The following BMPR2 variants were observed in gnomAD, a reference collection of about 807,000 sequenced individuals.
BMPR2 encodes the protein bone morphogenetic protein receptor type 2.
A neutral mutation model predicts 100.8 loss-of-function variants in BMPR2; 29 were observed. The observed-to-expected ratio is 0.29, with a 90% CI of 0.21 to 0.39. The LOEUF (loss-of-function observed/expected upper bound fraction) is 0.39. Among genes scored for constraint, BMPR2 ranks in the 10% least tolerant of loss-of-function variants. The pLI is 1.00. For missense variants in BMPR2, 1,011 were observed against 1,274.5 expected, an observed-to-expected ratio of 0.79 and a Z score of 3.15; for synonymous variants, 382 against 442.3, an observed-to-expected ratio of 0.86 and a Z score of 1.71.
chr2:202,423,136 T>C (rs921173894), intron 1 of BMPR2, among the ~76,000 whole-genome samples: 1 of 151,840 alleles, frequency 6.6e-6, no homozygotes, highest in Non-Finnish European at 1.5e-5. Flanking sequence ...TGATCCACCC[T>C]CCTCGCCCAC....
chr2:202,423,240 A>C (rs1691306765), intron 1 of BMPR2, among the ~76,000 whole-genome samples: 1 of 152,200 alleles, frequency 6.6e-6, no homozygotes, highest in Admixed American at 6.5e-5. Context: ...ATGAAGCTTA[A>C]CACCTCCTTG....
rs1013045515 is a variant in BMPR2 at position 202,533,754 on chromosome 2, C to T, written c.1276+1022C>T. Among the ~76,000 whole-genome samples the T allele has an allele frequency of 5.9e-5, 9 of 152,196 alleles. No homozygotes were observed. The East Asian group carries it at 1.5e-3, about 26-fold the overall frequency. On this transcript the variant is annotated intron_variant, in intron 9 of 12. Transcript: ENST00000374580. Reference sequence around the variant, plus strand: ...AGAGGAATTGCTTGAACCCAGTAGGCGGAGGTTGCAGTGAGCTGAGATCAC... The same window carrying T: ...AGAGGAATTGCTTGAACCCAGTAGGTGGAGGTTGCAGTGAGCTGAGATCAC...
At position 202,567,316 on chromosome 2, in the gene BMPR2, A is replaced by G. The variant is rs902464456; in HGVS notation, c.*7370A>G. Reference sequence around the variant, plus strand: ...TCCGGAAAAAGAAAGGCTAGAAAATACTCGCACTTCCTCAGAACCCTCTTT... The same window carrying G: ...TCCGGAAAAAGAAAGGCTAGAAAATGCTCGCACTTCCTCAGAACCCTCTTT... On this transcript the variant is annotated 3_prime_UTR_variant, in exon 13 of 13. Coordinates refer to ENST00000374580, the MANE Select transcript of BMPR2 (RefSeq NM_001204.7). 6.6e-6 allele frequency: 1 copy of G among 152,514 alleles called. No individual in the cohort carries two copies. The highest frequency in any genetic ancestry group is 1.5e-5 in the Non-Finnish European group (1 of 68,020). 9.4% of individuals were successfully genotyped at this position (152,514 alleles called of 1,614,324 possible). A position where few individuals can be genotyped will look rare whatever the true frequency, so the allele number is the denominator to read the frequency against.
At chr2:202,557,394 C>T (rs749910925) in intron 12 of BMPR2, among the ~76,000 whole-genome samples, 4 of 151,222 alleles carry the variant, frequency 2.6e-5, no homozygotes, top group African/African-American at 7.3e-5. Flanking sequence ...ACCCAGGAGG[C>T]GGAGGTTGCA....
intron 3 of BMPR2, among the ~76,000 whole-genome samples, chr2:202,469,139 T>C (rs905476244): frequency 6.6e-6 from 1 of 152,104 alleles, no homozygotes; most frequent in Non-Finnish European, 1.5e-5. Flanking sequence ...CAAGCGATTC[T>C]CCTGCCTCAG....
chr2:202,452,058 C>A (rs903159058), intron 1 of BMPR2, among the ~76,000 whole-genome samples: 1 of 152,048 alleles, frequency 6.6e-6, no homozygotes, highest in Non-Finnish European at 1.5e-5. Context: ...CTGGCCAATT[C>A]GGTGAGTTTT....
At chr2:202,523,584 A>C (rs1687856294) in intron 7 of BMPR2, among the ~76,000 whole-genome samples, 2 of 152,042 alleles carry the variant, frequency 1.3e-5, no homozygotes, top group Non-Finnish European at 2.9e-5. Flanking sequence ...TGGGCGGATC[A>C]CCTGAGGTCG....
intron 7 of BMPR2, among the ~76,000 whole-genome samples, chr2:202,525,857 C>CTTTTTTTTTTTTTTTTTTTTTTTT (rs386392340): frequency 1.4e-5 from 1 of 69,362 alleles, no homozygotes; most frequent in Non-Finnish European, 2.5e-5. Context: ...TTCAGAGCAT[C>CTTTTTTTTTTTTTTTTTTTTTTTT]TTTTTTTTTT....
chr2:202,413,405 C>T (rs140213224), intron 1 of BMPR2, among the ~76,000 whole-genome samples: 27 of 152,264 alleles, frequency 1.8e-4, no homozygotes, highest in East Asian at 1.5e-3. Context: ...AGTGCATCAA[C>T]AAAATATATT....
At chr2:202,399,464 G>T (rs1690718184) in intron 1 of BMPR2, among the ~76,000 whole-genome samples, 1 of 152,220 alleles carries the variant, frequency 6.6e-6, no homozygotes, top group South Asian at 2.1e-4. Flanking sequence ...CAAGGGGTTA[G>T]ACAGGCAGGC....
At chr2:202,407,694 G>A (rs1186017332) in intron 1 of BMPR2, among the ~76,000 whole-genome samples, 2 of 151,436 alleles carry the variant, frequency 1.3e-5, no homozygotes, top group Admixed American at 6.6e-5. Flanking sequence ...GAGTGAACCC[G>A]GGAGGCGGAG....
At chr2:202,405,361 G>A (rs1690867443) in intron 1 of BMPR2, among the ~76,000 whole-genome samples, 1 of 151,902 alleles carries the variant, frequency 6.6e-6, no homozygotes, top group South Asian at 2.1e-4. Flanking sequence ...CAAGTCCCAG[G>A]GCAAAATAAA....
chr2:202,531,957 T>TTTTTTG (rs1688038823), intron 8 of BMPR2, among the ~76,000 whole-genome samples: 4 of 121,328 alleles, frequency 3.3e-5, no homozygotes, highest in Non-Finnish European at 6.7e-5. Context: ...TTTTTTTTTT[T>TTTTTTG]GAGACGGAGT....
chr2:202,434,921 AT>A, intron 1 of BMPR2, among the ~76,000 whole-genome samples: 1 of 118,116 alleles, frequency 8.5e-6, no homozygotes, highest in Admixed American at 9.2e-5. Flanking sequence ...ATATATATAT[AT>A]ATATATATAT....
chr2:202,380,604 A>G (rs1239503908), intron 1 of BMPR2, among the ~76,000 whole-genome samples: 1 of 150,308 alleles, frequency 6.7e-6, no homozygotes, highest in African/African-American at 2.4e-5. Flanking sequence ...TTATATCATC[A>G]GTCCTGATTG....
intron 1 of BMPR2, among the ~76,000 whole-genome samples, chr2:202,433,659 C>G (rs1171469706): frequency 2.7e-5 from 4 of 150,546 alleles, no homozygotes; most frequent in Non-Finnish European, 5.9e-5. Flanking sequence ...CCTGTAATCC[C>G]AGCACTTTGG....
At chr2:202,481,020 TA>T (rs1692650076) in intron 3 of BMPR2, among the ~76,000 whole-genome samples, 2 of 151,332 alleles carry the variant, frequency 1.3e-5, no homozygotes, top group Non-Finnish European at 1.5e-5. Flanking sequence ...TCTGAACTCT[TA>T]ATTCTATTCC....
intron 1 of BMPR2, among the ~76,000 whole-genome samples, chr2:202,462,609 C>G (rs973767113): frequency 2.0e-5 from 3 of 150,398 alleles, no homozygotes; most frequent in Non-Finnish European, 3.0e-5. Flanking sequence ...GCTTGCATAT[C>G]TGGGATAAAC....
intron 2 of BMPR2, 32 bp downstream of exon 2, chr2:202,465,011 G>A (rs200036340): frequency 6.2e-7 from 1 of 1,609,240 alleles, no homozygotes. Context: ...TGAAATGACT[G>A]TGTTTTATAC....
Sources: gnomAD v4.1 joint callset for allele counts (sites outside exome capture counted in the v4.1 genomes callset) on GRCh38, gnomAD v4.1.1 for gene constraint, MANE v1.5 for transcripts, NCBI Gene and HGNC (gene_info 2026-07-23, HGNC 2026-07-21) for gene names.